RSRC1: variants seen among roughly 807,000 people sequenced by gnomAD.
RSRC1 encodes the protein arginine and serine rich coiled-coil 1, also known as serine/Arginine-related protein 53.
Under a neutral mutation model 49.1 loss-of-function variants are expected in RSRC1, and 39 were observed. The ratio of observed to expected loss-of-function variants is 0.79; its 90% confidence interval spans 0.61 to 1.04. RSRC1 has a LOEUF of 1.04. Among genes scored for constraint, RSRC1 ranks in the 50% least tolerant of loss-of-function variants. The pLI, the probability that RSRC1 is intolerant of heterozygous loss-of-function variation, is 0.00. For missense variants in RSRC1, 388 were observed against 402.4 expected (o/e 0.96, Z 0.31); for synonymous variants, 143 against 130.8 (o/e 1.09, Z -0.63).
At chr3:158,228,820 GAC>G (rs63652861) in intron 4 of RSRC1, among the ~76,000 whole-genome samples, 12,000 of 42,360 alleles carry the variant, frequency 0.28, 2,072 homozygotes, top group African/African-American at 0.37. Context: ...TATGATCATA[GAC>G]ACACGTGTGT....
intron 4 of RSRC1, among the ~76,000 whole-genome samples, chr3:158,269,326 A>G (rs1189766755): frequency 6.6e-6 from 1 of 152,198 alleles, no homozygotes; most frequent in African/African-American, 2.4e-5. Context: ...TTTTTGTGGT[A>G]AGCCTAATGT....
chr3:158,240,845 TCTTA>T (rs1293322460), intron 4 of RSRC1, among the ~76,000 whole-genome samples: 3 of 152,200 alleles, frequency 2.0e-5, no homozygotes, highest in African/African-American at 7.2e-5. Flanking sequence ...TTAGTAGCAA[TCTTA>T]CTTATCAGAT....
chr3:158,282,993 G>C lies in RSRC1; in HGVS notation c.495-15046G>C, dbSNP rs183401985. On this transcript the variant is annotated intron_variant, in intron 4 of 9. Coordinates refer to ENST00000611884, the MANE Select transcript of RSRC1 (RefSeq NM_001271838.2). ...CATTATTGAAGAGTTCACCATTTCTGTTTGCCTCGTGCATTGCAAACATAA... is the reference window on the plus strand; with the variant it reads ...CATTATTGAAGAGTTCACCATTTCTCTTTGCCTCGTGCATTGCAAACATAA... Among the ~76,000 whole-genome samples, 289 of 152,248 alleles carry C rather than the reference G, an allele frequency of 1.9e-3. 2 individuals are homozygous for C. Among genetic ancestry groups the C allele is most frequent in the Non-Finnish European group, 8.4e-4 (57 of 68,022 alleles).
chr3:158,287,062 G>A (rs1287638121), intron 4 of RSRC1, among the ~76,000 whole-genome samples: 5 of 152,108 alleles, frequency 3.3e-5, no homozygotes, highest in South Asian at 2.1e-4. Context: ...TCCTGACCTC[G>A]TGATCCACCT....
intron 5 of RSRC1, among the ~76,000 whole-genome samples, chr3:158,300,639 A>G (rs1161820835): frequency 6.6e-6 from 1 of 152,210 alleles, no homozygotes; most frequent in African/African-American, 2.4e-5. Context: ...AATTAGAAGT[A>G]TATTTTTAAA....
intron 6 of RSRC1, 148 bp downstream of exon 6, chr3:158,355,056 T>G: frequency 2.1e-6 from 1 of 471,482 alleles, no homozygotes; most frequent in Non-Finnish European, 3.8e-6. Context: ...TATGGCCATA[T>G]ATTATCTGAA....
At chr3:158,325,170 C>T (rs975238999) in intron 5 of RSRC1, among the ~76,000 whole-genome samples, 3 of 152,100 alleles carry the variant, frequency 2.0e-5, no homozygotes, top group African/African-American at 7.2e-5. Flanking sequence ...TTCTCCCATT[C>T]TGTAGGTTGC....
intron 3 of RSRC1, among the ~76,000 whole-genome samples, chr3:158,149,763 G>T (rs992758709): frequency 6.6e-6 from 1 of 152,100 alleles, no homozygotes; most frequent in Non-Finnish European, 1.5e-5. Flanking sequence ...GACCAAGGGG[G>T]CATGGCTATC....
At chr3:158,325,769 G>A (rs1265150527) in intron 5 of RSRC1, among the ~76,000 whole-genome samples, 1 of 152,152 alleles carries the variant, frequency 6.6e-6, no homozygotes. Flanking sequence ...TGTGAAGAAA[G>A]TCATTGGTAG....
At chr3:158,497,956 AT>A (rs750246732) in intron 7 of RSRC1, among the ~76,000 whole-genome samples, 2 of 152,080 alleles carry the variant, frequency 1.3e-5, no homozygotes, top group Non-Finnish European at 2.9e-5. Flanking sequence ...CAGTTTATTT[AT>A]CCACTTGTTG....
intron 4 of RSRC1, among the ~76,000 whole-genome samples, chr3:158,210,425 C>T (rs2693532): frequency 4.2e-5 from 6 of 144,424 alleles, no homozygotes; most frequent in Non-Finnish European, 7.5e-5. Flanking sequence ...ATGTTTGGTT[C>T]GAAAGCAGTA....
chr3:158,257,131 C>T (rs12493633), intron 4 of RSRC1, among the ~76,000 whole-genome samples: 18,472 of 152,006 alleles, frequency 0.12, 1,382 homozygotes, highest in Middle Eastern at 0.2. Context: ...AATGTGTTTG[C>T]TCTTGCTTCT....
chr3:158,425,274 A>G (rs1246888848), intron 6 of RSRC1, among the ~76,000 whole-genome samples: 9 of 151,934 alleles, frequency 5.9e-5, no homozygotes, highest in Non-Finnish European at 7.4e-5. Context: ...ATTGTGGTAT[A>G]TTGTGTCTTT....
intron 3 of RSRC1, among the ~76,000 whole-genome samples, chr3:158,195,240 G>A (rs1387152487): frequency 6.6e-6 from 1 of 152,092 alleles, no homozygotes; most frequent in Non-Finnish European, 1.5e-5. Flanking sequence ...GCATTTCTCT[G>A]ATGGCCAGTG....
At chr3:158,295,463 G>T (rs1227970032) in intron 4 of RSRC1, among the ~76,000 whole-genome samples, 5 of 152,062 alleles carry the variant, frequency 3.3e-5, no homozygotes, top group African/African-American at 1.2e-4. Context: ...TGTGTTAATG[G>T]AAAATGAATT....
At chr3:158,173,032 A>G (rs931994208) in intron 3 of RSRC1, among the ~76,000 whole-genome samples, 1 of 152,018 alleles carries the variant, frequency 6.6e-6, no homozygotes, top group African/African-American at 2.4e-5. Context: ...GTATCTATCT[A>G]ATTTATCTAT....
At chr3:158,360,564 C>T (rs201470226) in intron 6 of RSRC1, among the ~76,000 whole-genome samples, 1 of 152,248 alleles carries the variant, frequency 6.6e-6, no homozygotes, top group East Asian at 1.9e-4. Context: ...CCACCTTCAG[C>T]TTCAGCCGTA....
intron 7 of RSRC1, among the ~76,000 whole-genome samples, chr3:158,477,624 T>C (rs1738423757): frequency 6.6e-6 from 1 of 151,778 alleles, no homozygotes; most frequent in Non-Finnish European, 1.5e-5. Flanking sequence ...AACATAACTT[T>C]TATATGCACT....
chr3:158,425,430 C>A (rs986620095), intron 6 of RSRC1, among the ~76,000 whole-genome samples: 3 of 152,050 alleles, frequency 2.0e-5, no homozygotes, highest in Non-Finnish European at 2.9e-5. Context: ...TTTGATTGCA[C>A]TGTGGTCTGA....
Sources: gnomAD v4.1 joint callset for allele counts (sites outside exome capture counted in the v4.1 genomes callset) on GRCh38, gnomAD v4.1.1 for gene constraint, MANE v1.5 for transcripts, NCBI Gene and HGNC (gene_info 2026-07-23, HGNC 2026-07-21) for gene names.